The following SIPA1L1 variants were observed in gnomAD, a reference collection of about 807,000 sequenced individuals.
SIPA1L1 encodes signal-induced proliferation-associated 1-like protein 1.
A neutral mutation model predicts 162.7 loss-of-function variants in SIPA1L1; 26 were observed. The observed-to-expected ratio is 0.16, with a 90% confidence interval of 0.12 to 0.22. The LOEUF is 0.22. SIPA1L1 is among the 10% of genes least tolerant of loss of function. SIPA1L1 has a pLI of 1.00. For synonymous variants in SIPA1L1, 829 were observed against 837.4 expected (o/e 0.99, Z 0.17); for missense variants, 1,874 against 2,241.0 (o/e 0.84, Z 3.31).
At chr14:71,556,459 T>A (rs1371051031) in intron 4 of SIPA1L1, among the ~76,000 whole-genome samples, 1 of 152,192 alleles carries the variant, frequency 6.6e-6, no homozygotes, top group Non-Finnish European at 1.5e-5. Flanking sequence ...CCCTTACATC[T>A]TTGGACATCA....
At chr14:71,495,886 CAAAAAAA>C (rs61183823) in intron 2 of SIPA1L1, among the ~76,000 whole-genome samples, 17 of 38,014 alleles carry the variant, frequency 4.5e-4, no homozygotes, top group African/African-American at 6.4e-4. Flanking sequence ...TCCATCTCTA[CAAAAAAA>C]AAAAAAAAAA....
Position 71,407,950 on chromosome 14 carries a change from C to G in SIPA1L1, c.-465+86769C>G, listed in dbSNP as rs569153566. Among the ~76,000 whole-genome samples the G allele has an allele frequency of 5.9e-5, 9 of 152,164 alleles. No homozygotes were observed. The South Asian group carries it at 1.2e-3, about 21-fold the overall frequency. ...TATTCCACCAGTGATGGAAAGTCAACAATGGAAAGACTTGATTTCCTTTTA... is the reference window on the plus strand; with the variant it reads ...TATTCCACCAGTGATGGAAAGTCAAGAATGGAAAGACTTGATTTCCTTTTA... On this transcript the variant is annotated intron_variant, in intron 2 of 23. Coordinates refer to ENST00000381232, the MANE Select transcript of SIPA1L1 (RefSeq NM_001386936.1).
intron 7 of SIPA1L1, among the ~76,000 whole-genome samples, chr14:71,639,584 T>C (rs1440590694): frequency 2.0e-5 from 3 of 152,154 alleles, no homozygotes; most frequent in African/African-American, 7.2e-5. Flanking sequence ...TTCTAAAGTT[T>C]ACATGAAAAA....
intron 22 of SIPA1L1, among the ~76,000 whole-genome samples, chr14:71,736,384 G>A (rs996646749): frequency 6.6e-6 from 1 of 152,132 alleles, no homozygotes; most frequent in Non-Finnish European, 1.5e-5. Flanking sequence ...GTGACACAGC[G>A]AAACTCTGTC....
chr14:71,429,560 T>C (rs1337860516), intron 2 of SIPA1L1, among the ~76,000 whole-genome samples: 1 of 152,136 alleles, frequency 6.6e-6, no homozygotes, highest in East Asian at 1.9e-4. Context: ...TTCTGATAGT[T>C]CCTGATTATA....
Position 71,339,832 on chromosome 14 carries a change from C to G in SIPA1L1, c.-465+18651C>G, listed in dbSNP as rs1292938943. On this transcript the variant is annotated intron_variant, in intron 2 of 23. Coordinates refer to ENST00000381232, the MANE Select transcript of SIPA1L1 (RefSeq NM_001386936.1). ...TCAGGCACTTTGTGTCACATTATTGCTAATCTTTATAAACAAGCCTGTGAG... is the reference window on the plus strand; with the variant it reads ...TCAGGCACTTTGTGTCACATTATTGGTAATCTTTATAAACAAGCCTGTGAG... Among the ~76,000 whole-genome samples, 3 of 152,094 alleles carry G rather than the reference C, an allele frequency of 2.0e-5. No homozygotes were observed. In the East Asian group the frequency reaches 5.8e-4, roughly 29 times the overall value.
intron 19 of SIPA1L1, 28 bp downstream of exon 19, chr14:71,724,863 C>T: frequency 6.3e-7 from 1 of 1,594,818 alleles, no homozygotes. Flanking sequence ...GGGTAGATGG[C>T]AATTAGAAAC....
At chr14:71,359,493 C>T (rs949014941) in intron 2 of SIPA1L1, among the ~76,000 whole-genome samples, 1 of 152,150 alleles carries the variant, frequency 6.6e-6, no homozygotes, top group African/African-American at 2.4e-5. Flanking sequence ...TTCAGTAGAG[C>T]ATATGAAGGC....
chr14:71,705,446 A>T (rs2082369539), intron 16 of SIPA1L1, 106 bp downstream of exon 16: 2 of 869,234 alleles, frequency 2.3e-6, no homozygotes, highest in Admixed American at 1.8e-5. Flanking sequence ...AGAGGAAATC[A>T]TTCTGGCAAA....
At chr14:71,361,766 A>G (rs2037837329) in intron 2 of SIPA1L1, among the ~76,000 whole-genome samples, 2 of 152,158 alleles carry the variant, frequency 1.3e-5, no homozygotes, top group South Asian at 2.1e-4. Flanking sequence ...TTACATCACC[A>G]TTGGAAGCAG....
intron 8 of SIPA1L1, among the ~76,000 whole-genome samples, chr14:71,652,556 C>G (rs761831089): frequency 5.9e-5 from 9 of 151,886 alleles, no homozygotes; most frequent in Non-Finnish European, 1.2e-4. Flanking sequence ...AACCTCCCAT[C>G]TCTCTGAGAC....
chr14:71,671,408 C>A lies in SIPA1L1; in HGVS notation c.2545C>A (p.Pro849Thr). 2 of 1,614,184 alleles carry A rather than the reference C, an allele frequency of 1.2e-6. No homozygotes were observed. The highest frequency in any genetic ancestry group is 1.7e-6 in the Non-Finnish European group (2 of 1,180,034). The change falls in exon 11 of 24, where the codon CCA (proline) becomes ACA (threonine). Residue 849 changes from proline to threonine, a missense_variant. By Grantham distance (38) the Pro-to-Thr change is conservative. Transcript: ENST00000381232. ...SKKKEKSKPYPGAELSSMGAI... is the reference protein window; with the variant it reads ...SKKKEKSKPYTGAELSSMGAI... ...GAAGAAGGAAAAGTCTAAGCCATAT[C>A]CAGGAGCCGAGCTCAGCAGCATGGG... is the stretch of plus-strand genomic sequence containing the variant.
chr14:71,385,810 C>T (rs1168584582), intron 2 of SIPA1L1, among the ~76,000 whole-genome samples: 1 of 151,620 alleles, frequency 6.6e-6, no homozygotes, highest in Non-Finnish European at 1.5e-5. Context: ...GCCTCAGCCT[C>T]CCGAGTAGCT....
At chr14:71,579,198 T>A (rs1010956409) in intron 4 of SIPA1L1, among the ~76,000 whole-genome samples, 7 of 152,266 alleles carry the variant, frequency 4.6e-5, no homozygotes, top group Non-Finnish European at 1.0e-4. Context: ...GCTCCTTAAG[T>A]AGATTTATGT....
chr14:71,673,585 A>G (rs2044756652), intron 12 of SIPA1L1, among the ~76,000 whole-genome samples: 1 of 152,112 alleles, frequency 6.6e-6, no homozygotes, highest in Non-Finnish European at 1.5e-5. Context: ...AGCAGCAAAT[A>G]TATATGTGTG....
chr14:71,588,199 G>C lies in SIPA1L1; in HGVS notation c.327G>C (p.Leu109=). 6.2e-7 allele frequency: 1 copy of C among 1,614,160 alleles called. No individual in the cohort carries two copies. Among genetic ancestry groups the C allele is most frequent in the Non-Finnish European group, 8.5e-7 (1 of 1,180,014 alleles). The part of the protein sequence containing the change: ...EIETSSCLDS[L]SSKSSPVSQG... ...AAACCTCAAGTTGCCTTGATAGCCT[G>C]TCCTCCAAAAGCAGTCCTGTGAGTC... Residue 109 remains leucine, a synonymous_variant, in exon 5 of 24, where the codon CTG becomes CTC. Coordinates refer to ENST00000381232, the MANE Select transcript of SIPA1L1 (RefSeq NM_001386936.1). The surrounding 1 kb of genome is among the most constrained non-coding windows in gnomAD (Gnocchi z 4.3).
intron 2 of SIPA1L1, among the ~76,000 whole-genome samples, chr14:71,431,787 G>A (rs2044010056): frequency 6.6e-6 from 1 of 152,160 alleles, no homozygotes; most frequent in Non-Finnish European, 1.5e-5. Context: ...CCAAGGGAGG[G>A]CTCCTCTTGG....
At chr14:71,609,281 C>G (rs1459917001) in intron 5 of SIPA1L1, among the ~76,000 whole-genome samples, 3 of 151,812 alleles carry the variant, frequency 2.0e-5, no homozygotes, top group Admixed American at 6.6e-5. Context: ...ATTTATTTAC[C>G]TATTTGAGAC....
chr14:71,674,714 G>A (rs961352260), intron 12 of SIPA1L1, among the ~76,000 whole-genome samples: 9 of 151,482 alleles, frequency 5.9e-5, no homozygotes, highest in African/African-American at 9.7e-5. Context: ...ACAGGCGCCC[G>A]CCACTACGCC....
Sources: allele counts gnomAD v4.1 joint callset (sites outside exome capture counted in the v4.1 genomes callset), GRCh38; gene constraint gnomAD v4.1.1; non-coding constraint Gnocchi (gnomAD v3.1); transcripts MANE v1.5; gene names NCBI Gene and HGNC (gene_info 2026-07-23, HGNC 2026-07-21).